Variants in ZHX2 observed in about 807,000 individuals in gnomAD.
The protein encoded by ZHX2 is zinc fingers and homeoboxes protein 2.
In ZHX2, 6 loss-of-function variants were observed where a neutral mutation model predicts 21.9. The observed-to-expected ratio is 0.27, with a 90% CI of 0.15 to 0.54. The LOEUF (loss-of-function observed/expected upper bound fraction) is 0.54, where lower values mean the gene tolerates loss of function less well. Ranked by LOEUF, ZHX2 falls within the 20% of genes least tolerant of loss-of-function variation. ZHX2 has a pLI of 0.95. For missense variants in ZHX2, 908 were observed against 1,090.7 expected (o/e 0.83, Z 2.36); for synonymous variants, 434 against 437.1 (o/e 0.99, Z 0.09).
chr8:122,791,305 C>T (rs1443261974), intron 1 of ZHX2, among the ~76,000 whole-genome samples: 1 of 152,182 alleles, frequency 6.6e-6, no homozygotes. Flanking sequence ...AGCCAGAACT[C>T]GACACAGATC....
At position 122,973,711 on chromosome 8, in the gene ZHX2, A is replaced by G. The variant is rs1290070896; in HGVS notation, c.*474A>G. On this transcript the variant is annotated 3_prime_UTR_variant, in exon 4 of 4. Coordinates refer to ENST00000314393, the MANE Select transcript of ZHX2 (RefSeq NM_014943.5). ...GGAAAGGGGTGTTAGCATTAGTGCCATGATATCTACTGGATTTTAAGTAGG... is the reference window on the plus strand; with the variant it reads ...GGAAAGGGGTGTTAGCATTAGTGCCGTGATATCTACTGGATTTTAAGTAGG... 6.6e-6 allele frequency: 1 copy of G among 152,336 alleles called. No homozygotes were observed. The highest frequency in any genetic ancestry group is 2.4e-5 in the African/African-American group (1 of 41,302). The allele number at this position is 152,336 out of a possible 1,614,324, so 9.4% of individuals were successfully genotyped here.
chr8:122,917,227 G>A (rs1820628258), intron 2 of ZHX2, among the ~76,000 whole-genome samples: 1 of 152,008 alleles, frequency 6.6e-6, no homozygotes, highest in African/African-American at 2.4e-5. Flanking sequence ...AACTATTTCT[G>A]GGAGTCCTCA....
intron 1 of ZHX2, among the ~76,000 whole-genome samples, chr8:122,848,188 G>C (rs1034408939): frequency 6.6e-6 from 1 of 152,296 alleles, no homozygotes; most frequent in African/African-American, 2.4e-5. Context: ...GTGGGTTTGA[G>C]AGACAGCGAG....
intron 1 of ZHX2, among the ~76,000 whole-genome samples, chr8:122,839,576 C>T (rs1818578394): frequency 6.6e-6 from 1 of 152,170 alleles, no homozygotes; most frequent in Non-Finnish European, 1.5e-5. Context: ...TTTTGTAGAA[C>T]TATAGAACTT....
In ZHX2 at chr8:122,953,151, C is replaced by A. The variant is rs775415310; in HGVS notation, c.1641C>A (p.Ser547Arg). The A allele has an allele frequency of 4.3e-6, 7 of 1,613,676 alleles. No homozygotes were observed. The highest frequency in any genetic ancestry group is 5.9e-6 in the Non-Finnish European group (7 of 1,180,032). The change falls in exon 3 of 4, where the codon AGC (serine) becomes AGA (arginine). Residue 547 changes from serine to arginine, a missense_variant. Ser to Arg is a moderately radical substitution (Grantham distance 110). Around this residue, in one of 4 missense-constraint regions of ZHX2, gnomAD observed 431 missense variants for 428.6 expected, o/e 1.01. Coordinates refer to ENST00000314393, the MANE Select transcript of ZHX2 (RefSeq NM_014943.5). The surrounding 1 kb of genome is among the most constrained non-coding windows in gnomAD (Gnocchi z 4.6). ...GTCAGGTTAAAATCTTGGAAGACAG[C>A]TTTTTGAAAAGTTCTTTTCCTACCC... Reference protein sequence around the residue: ...TQGQVKILEDSFLKSSFPTQA... With the variant: ...TQGQVKILEDRFLKSSFPTQA...
intron 1 of ZHX2, among the ~76,000 whole-genome samples, chr8:122,829,823 AC>A (rs1166480323): frequency 1.3e-5 from 2 of 152,222 alleles, no homozygotes; most frequent in Non-Finnish European, 2.9e-5. Flanking sequence ...GTTTGGAGAG[AC>A]ATTTACAAGT....
chr8:122,884,083 T>A (rs1819777988), intron 2 of ZHX2, among the ~76,000 whole-genome samples: 2 of 152,234 alleles, frequency 1.3e-5, no homozygotes, highest in Non-Finnish European at 2.9e-5. Context: ...GCTATAGACC[T>A]GTACAGCATG....
At chr8:122,963,431 T>C (rs1813505543) in intron 3 of ZHX2, among the ~76,000 whole-genome samples, 1 of 152,190 alleles carries the variant, frequency 6.6e-6, no homozygotes, top group Non-Finnish European at 1.5e-5. Context: ...CAATTGGCTG[T>C]AAGTATCTGG....
intron 2 of ZHX2, among the ~76,000 whole-genome samples, chr8:122,927,206 T>C (rs1470059195): frequency 6.6e-6 from 1 of 152,172 alleles, no homozygotes. Context: ...AATAAAGATA[T>C]ACCCCAGGCC....
chr8:122,909,758 G>A (rs73711244), intron 2 of ZHX2, among the ~76,000 whole-genome samples: 4,342 of 152,198 alleles, frequency 0.029, 142 homozygotes, highest in African/African-American at 0.085. Context: ...GCTGTCCTGT[G>A]GGCTGCATCT....
rs546838199 is a variant in ZHX2, at chr8:122,828,923, T to G, written c.-282-34554T>G. ...AATTCATTTATTTATCCACTACAAA[T>G]TGAAGAAATTGATCTTTTTTTCAGT... On this transcript the variant is annotated intron_variant, in intron 1 of 3. Coordinates refer to ENST00000314393, the MANE Select transcript of ZHX2 (RefSeq NM_014943.5). The surrounding 1 kb of genome is among the most constrained non-coding windows in gnomAD (Gnocchi z 5.2). 6.6e-6 allele frequency among the ~76,000 whole-genome samples: 1 copy of G among 152,326 alleles called. No individual in the cohort carries two copies. The highest frequency in any genetic ancestry group is 2.1e-4 in the South Asian group (1 of 4,826).
At chr8:122,858,828 AC>A (rs1260842788) in intron 1 of ZHX2, among the ~76,000 whole-genome samples, 1 of 151,800 alleles carries the variant, frequency 6.6e-6, no homozygotes, top group African/African-American at 2.4e-5. Flanking sequence ...TTTAGTAGAG[AC>A]AGGATTTCAC....
At chr8:122,831,900 GT>G (rs1480242171) in intron 1 of ZHX2, among the ~76,000 whole-genome samples, 14 of 152,198 alleles carry the variant, frequency 9.2e-5, no homozygotes, top group Non-Finnish European at 1.5e-5. Flanking sequence ...AGGGCGATGA[GT>G]TCAGCTTCTT....
intron 2 of ZHX2, among the ~76,000 whole-genome samples, chr8:122,916,057 C>T (rs536420153): frequency 1.6e-4 from 25 of 152,336 alleles, no homozygotes; most frequent in African/African-American, 6.0e-4. Context: ...GGCAGATGGG[C>T]CTCTTGCCTC....
chr8:122,928,740 G>A (rs1302275606), intron 2 of ZHX2, among the ~76,000 whole-genome samples: 1 of 152,148 alleles, frequency 6.6e-6, no homozygotes, highest in African/African-American at 2.4e-5. Flanking sequence ...TTATAGGAGA[G>A]AAACCAACTC....
At chr8:122,956,425 C>T (rs1010330610) in intron 3 of ZHX2, among the ~76,000 whole-genome samples, 6 of 152,260 alleles carry the variant, frequency 3.9e-5, no homozygotes, top group East Asian at 1.9e-4. Context: ...GGGAAGGGCA[C>T]GGCTCTGGGT....
At chr8:122,832,134 T>C (rs1289741172) in intron 1 of ZHX2, among the ~76,000 whole-genome samples, 1 of 152,172 alleles carries the variant, frequency 6.6e-6, no homozygotes, top group Non-Finnish European at 1.5e-5. Flanking sequence ...CTTGGGCAGT[T>C]GCAGCTTCAG....
chr8:122,899,621 T>A (rs1175678423), intron 2 of ZHX2, among the ~76,000 whole-genome samples: 1 of 152,174 alleles, frequency 6.6e-6, no homozygotes, highest in East Asian at 1.9e-4. Flanking sequence ...GTCATGAGTT[T>A]TTTGCTGCAT....
intron 1 of ZHX2, among the ~76,000 whole-genome samples, chr8:122,785,213 G>A (rs550941067): frequency 2.0e-5 from 3 of 152,370 alleles, no homozygotes; most frequent in African/African-American, 7.2e-5. Context: ...GTCCAGAGGT[G>A]TAGCCAATAT....
Sources: allele counts gnomAD v4.1 joint callset (sites outside exome capture counted in the v4.1 genomes callset), GRCh38; gene constraint gnomAD v4.1.1; regional missense constraint gnomAD v4.1.1; non-coding constraint Gnocchi (gnomAD v3.1); transcripts MANE v1.5; gene names NCBI Gene and HGNC (gene_info 2026-07-23, HGNC 2026-07-21).